Variants in CFAP74 observed in about 807,000 individuals in gnomAD.
The protein encoded by CFAP74 is cilia- and flagella-associated protein 74.
CFAP74 carries 124 observed loss-of-function variants against 188.9 expected under a neutral mutation model. The observed-to-expected ratio is 0.66, with a 90% CI of 0.57 to 0.76. The LOEUF (loss-of-function observed/expected upper bound fraction) is 0.76. Ranked by LOEUF, CFAP74 falls within the 30% of genes least tolerant of loss-of-function variation. CFAP74 has a pLI of 0.00. For synonymous variants in CFAP74, 956 were observed against 916.7 expected (o/e 1.04, Z -0.77); for missense variants, 2,198 against 2,165.2 (o/e 1.02, Z -0.30).
rs1277986297 is a variant in CFAP74 at position 1,923,674 on chromosome 1, G to T, written c.4389+101C>A. Reference sequence around the variant, plus strand: ...GTGTGGTGCTGAGTCCCCCAGCCATGGTACCCTCAGGGCCTCCAAAGTGGA... The same window carrying T: ...GTGTGGTGCTGAGTCCCCCAGCCATTGTACCCTCAGGGCCTCCAAAGTGGA... On this transcript the variant is annotated intron_variant, in intron 35 of 38. Coordinates refer to ENST00000682832, the MANE Select transcript of CFAP74 (RefSeq NM_001304360.2). This position sits in a 1 kb window ranked among gnomAD's most constrained non-coding sequence, Gnocchi z 6.3. The T allele has an allele frequency of 6.4e-7, 1 of 1,567,404 alleles. No homozygotes were observed. Among genetic ancestry groups the T allele is most frequent in the African/African-American group, 1.4e-5 (1 of 73,756 alleles).
At chr1:1,957,765 G>T (rs1654756155) in intron 16 of CFAP74, among the ~76,000 whole-genome samples, 1 of 140,294 alleles carries the variant, frequency 7.1e-6, no homozygotes, top group African/African-American at 3.2e-5. Flanking sequence ...CTGGCTGTCT[G>T]CGGGGGGGCG....
At position 1,968,278 on chromosome 1, in the gene CFAP74, T is replaced by A. The variant is rs1655624773; in HGVS notation, c.1245+357A>T. On this transcript the variant is annotated intron_variant, in intron 11 of 38. Transcript: ENST00000682832. This position sits in a 1 kb window ranked among gnomAD's most constrained non-coding sequence, Gnocchi z 4.3. ...CATGTGGTCTGAACGGCTGTGCACA[T>A]CTCCCTGGCAGGCGGCTGACCCAGC... Among the ~76,000 whole-genome samples the A allele has an allele frequency of 6.6e-6, 1 of 152,014 alleles. No homozygotes were observed. The highest frequency in any genetic ancestry group is 2.4e-5 in the African/African-American group (1 of 41,352).
chr1:1,998,743 G>C (rs1571003327), intron 1 of CFAP74, among the ~76,000 whole-genome samples: 1 of 152,158 alleles, frequency 6.6e-6, no homozygotes, highest in African/African-American at 2.4e-5. Flanking sequence ...CGGGCGTGGT[G>C]GCGGGCACCT....
chr1:1,992,758 G>A (rs2102112293), intron 1 of CFAP74, among the ~76,000 whole-genome samples: 1 of 152,136 alleles, frequency 6.6e-6, no homozygotes, highest in African/African-American at 2.4e-5. Flanking sequence ...ACAGGCGTGA[G>A]CCACCACGCC....
In CFAP74 at chr1:1,942,526, C is replaced by T. The variant is rs1369954354; in HGVS notation, c.2487-370G>A. Among the ~76,000 whole-genome samples, 3 of 152,018 alleles carry T rather than the reference C, an allele frequency of 2.0e-5. No individual in the cohort carries two copies. Among genetic ancestry groups the T allele is most frequent in the East Asian group, 1.9e-4 (1 of 5,168 alleles). On this transcript the variant is annotated intron_variant, in intron 21 of 38. Transcript: ENST00000682832. This position sits in a 1 kb window ranked among gnomAD's most constrained non-coding sequence, Gnocchi z 4.3. ...GAACCCCTCCCTCCAGGGCTCTGCC[C>T]GCCTCCTGCCCAGGGCATCCCCACA... is the stretch of plus-strand genomic sequence containing the variant.
chr1:1,980,548 G>A lies in CFAP74; in HGVS notation c.500+4838C>T, dbSNP rs895632236. The stretch of plus-strand genomic sequence containing the variant: ...GGGACCTGCGCAGGCGCTGAGGACC[G>A]GGAGGTGGTGTGAGCGGGCAGGGTC... On this transcript the variant is annotated intron_variant, in intron 6 of 38. Coordinates refer to ENST00000682832, the MANE Select transcript of CFAP74 (RefSeq NM_001304360.2). 4.6e-5 allele frequency among the ~76,000 whole-genome samples: 7 copies of A among 152,262 alleles called. 1 individual carries two copies. Among genetic ancestry groups the A allele is most frequent in the Non-Finnish European group, 8.8e-5 (6 of 68,044 alleles).
At chr1:1,978,744 T>C (rs1482947988) in intron 6 of CFAP74, among the ~76,000 whole-genome samples, 1 of 152,192 alleles carries the variant, frequency 6.6e-6, no homozygotes, top group Non-Finnish European at 1.5e-5. Context: ...AGCTCATAAA[T>C]CCGCGTCCTG....
chr1:1,970,919 G>GCA, intron 9 of CFAP74, 103 bp from the exon 10 acceptor site: 1 of 1,313,932 alleles, frequency 7.6e-7, no homozygotes, highest in Non-Finnish European at 1.1e-6. Context: ...ATGCACACGT[G>GCA]CACACACGTG....
In CFAP74 at chr1:1,926,906, G is replaced by C. The variant is rs1161767183; in HGVS notation, c.3650C>G (p.Pro1217Arg). Reference sequence around the variant, plus strand: ...GAGCACCCCGCACCTGAAGCTCAGGGGTTCTGACCCCTTCCTGTCTTTGAT... The same window carrying C: ...GAGCACCCCGCACCTGAAGCTCAGGCGTTCTGACCCCTTCCTGTCTTTGAT... ...GDIKDRKGSE[P>R]LSFSPHNTLY... is the part of the protein sequence containing the mutation. Residue 1217 changes from proline (P) to arginine (R), a missense_variant, in exon 29 of 39, where the codon CCC becomes CGC. Transcript: ENST00000682832. 6.5e-7 allele frequency: 1 copy of C among 1,550,050 alleles called. No homozygotes were observed. Among genetic ancestry groups the C allele is most frequent in the Non-Finnish European group, 8.7e-7 (1 of 1,146,780 alleles).
rs1296610350 is a variant in CFAP74, at chr1:1,975,580, G to C, written c.501-1382C>G. Among the ~76,000 whole-genome samples the C allele has an allele frequency of 2.6e-5, 4 of 152,088 alleles. No homozygotes were observed. The highest frequency in any genetic ancestry group is 5.9e-5 in the Non-Finnish European group (4 of 68,014). The stretch of plus-strand genomic sequence containing the variant: ...CTGGGCATACCATGTTCTTTGTTGG[G>C]GTAATTTTAAACAGAGGGCTCCTTT... On this transcript the variant is annotated intron_variant, in intron 6 of 38. Coordinates refer to ENST00000682832, the MANE Select transcript of CFAP74 (RefSeq NM_001304360.2). This position sits in a 1 kb window ranked among gnomAD's most constrained non-coding sequence, Gnocchi z 4.5.
At chr1:1,934,338 ACAGGTGTATACG>A (rs1180664858) in intron 25 of CFAP74, among the ~76,000 whole-genome samples, 1 of 145,420 alleles carries the variant, frequency 6.9e-6, no homozygotes, top group East Asian at 2.0e-4. Flanking sequence ...TTGTAGGTAC[ACAGGTGTATACG>A]TGGGTGTTAG....
At chr1:2,003,142 A>G (rs1260350295) in intron 1 of CFAP74, among the ~76,000 whole-genome samples, 3 of 152,128 alleles carry the variant, frequency 2.0e-5, no homozygotes, top group Non-Finnish European at 4.4e-5. Context: ...TTTATAACCA[A>G]TCTCTAAGTC....
In CFAP74 at chr1:1,926,264, G is replaced by T; in HGVS notation, c.3912C>A (p.Val1304=). 1 of 1,534,972 alleles carries T rather than the reference G, an allele frequency of 6.5e-7. No homozygotes were observed. Among genetic ancestry groups the T allele is most frequent in the Non-Finnish European group, 8.8e-7 (1 of 1,138,272 alleles). Reference sequence around the variant, plus strand: ...CGTGGGGAGAGAAGGAAAGCACCAGGACCTGGGTCCCACCTGCACGCAGCA... The same window carrying T: ...CGTGGGGAGAGAAGGAAAGCACCAGTACCTGGGTCCCACCTGCACGCAGCA... ...SSLLRAGGTQ[V]LVLSFSPHES... The change falls in exon 32 of 39, where the codon GTC becomes GTA. Residue 1304 remains valine, a synonymous_variant. Coordinates refer to ENST00000682832, the MANE Select transcript of CFAP74 (RefSeq NM_001304360.2).
intron 16 of CFAP74, among the ~76,000 whole-genome samples, chr1:1,957,742 A>C (rs555546052): frequency 7.0e-4 from 104 of 148,978 alleles, no homozygotes; most frequent in African/African-American, 2.6e-3. Context: ...GCTGAGCAGG[A>C]GGGAGCCGGA....
Position 1,924,452 on chromosome 1 carries a change from GC to G in CFAP74, c.4172del (p.Gly1391AlafsTer81), listed in dbSNP as rs1651688330. ...MHLDSLSSTRGRGQQQLPQFL... is the reference protein window; with the variant it reads ...MHLDSLSSTRXRGQQQLPQFL... ...ACTGCGGCAGCTGCTGCTGGCCCCGGCCCCGGGTGCTGGAGAGGCTGTCCAG... is the reference window on the plus strand; with the variant it reads ...ACTGCGGCAGCTGCTGCTGGCCCCGGCCCGGGTGCTGGAGAGGCTGTCCAG... On this transcript the variant is annotated frameshift_variant, in exon 34 of 39. Transcript: ENST00000682832. LOFTEE classifies it high-confidence loss of function. 1.3e-6 allele frequency: 2 copies of G among 1,584,566 alleles called. No homozygotes were observed. Among genetic ancestry groups the G allele is most frequent in the South Asian group, 1.1e-5 (1 of 88,202 alleles).
At chr1:1,943,129 C>T (rs1054804241) in intron 21 of CFAP74, among the ~76,000 whole-genome samples, 8 of 152,188 alleles carry the variant, frequency 5.3e-5, no homozygotes, top group African/African-American at 1.9e-4. Flanking sequence ...AGAGTCTATA[C>T]AAATGAGCAC....
At position 1,926,278 on chromosome 1, in the gene CFAP74, C is replaced by T; in HGVS notation, c.3898G>A (p.Gly1300Ser). 6.5e-7 allele frequency: 1 copy of T among 1,542,420 alleles called. No individual in the cohort carries two copies. Among genetic ancestry groups the T allele is most frequent in the Non-Finnish European group, 8.8e-7 (1 of 1,142,386 alleles). Reference sequence around the variant, plus strand: ...GAAAGCACCAGGACCTGGGTCCCACCTGCACGCAGCAGGCTGGAGTGGTTC... The same window carrying T: ...GAAAGCACCAGGACCTGGGTCCCACTTGCACGCAGCAGGCTGGAGTGGTTC... ...LLNHSSLLRA[G>S]GTQVLVLSFS... The change falls in exon 32 of 39, where the codon GGT becomes AGT. Residue 1300 changes from glycine to serine, a missense_variant. By Grantham distance (56) the Gly-to-Ser change is moderately conservative (BLOSUM62 0). Coordinates refer to ENST00000682832, the MANE Select transcript of CFAP74 (RefSeq NM_001304360.2).
At chr1:1,934,727 G>T (rs1406427346) in intron 25 of CFAP74, among the ~76,000 whole-genome samples, 2 of 137,650 alleles carry the variant, frequency 1.5e-5, no homozygotes, top group Non-Finnish European at 3.1e-5. Flanking sequence ...TAGGCTGTAG[G>T]TACACACGTG....
intron 14 of CFAP74, among the ~76,000 whole-genome samples, chr1:1,962,513 GAAGAA>G (rs1307466869): frequency 6.7e-6 from 1 of 149,952 alleles, no homozygotes; most frequent in East Asian, 1.9e-4. Flanking sequence ...CTAAGGAGCA[GAAGAA>G]AAGAGAAACA....
Sources: allele counts gnomAD v4.1 joint callset (sites outside exome capture counted in the v4.1 genomes callset), GRCh38; gene constraint gnomAD v4.1.1; non-coding constraint Gnocchi (gnomAD v3.1); transcripts MANE v1.5; gene names NCBI Gene and HGNC (gene_info 2026-07-23, HGNC 2026-07-21).